PRAMEF20: variants seen among roughly 807,000 people sequenced by gnomAD.
PRAMEF20 encodes PRAME family member 20.
In PRAMEF20, 27 loss-of-function variants were observed where a neutral mutation model predicts 32.4. The ratio of observed to expected loss-of-function variants is 0.83; its 90% CI spans 0.61 to 1.15. The LOEUF (loss-of-function observed/expected upper bound fraction) is 1.15, where lower values mean the gene tolerates loss of function less well. Ranked by LOEUF, PRAMEF20 falls within the 50% of genes most tolerant of loss-of-function variation. The pLI is 0.00. For missense variants in PRAMEF20, 604 were observed against 584.5 expected (o/e 1.03, Z -0.34); for synonymous variants, 256 against 235.4 (o/e 1.09, Z -0.80).
Position 13,416,643 on chromosome 1 carries a change from T to C in PRAMEF20, c.287+2T>C, listed in dbSNP as rs771669349. On this transcript the variant is annotated splice_donor_variant, in intron 1 of 2. Coordinates refer to ENST00000602960, the Ensembl canonical transcript of PRAMEF20. LOFTEE classifies it high-confidence loss of function. ...GCTTACCCACAGGGTTCGTCTCAGG[T>C]GAGGTGGCCCAAGTGGGCTGGTGGG... The C allele has an allele frequency of 1.2e-6, 2 of 1,613,782 alleles. No homozygotes were observed. Among genetic ancestry groups the C allele is most frequent in the Non-Finnish European group, 1.7e-6 (2 of 1,179,912 alleles).
At chr1:13,415,388 G>A (rs1210861798), upstream of PRAMEF20, among the ~76,000 whole-genome samples, 2 of 152,132 alleles carry the variant, frequency 1.3e-5, no homozygotes, top group African/African-American at 4.8e-5. Flanking sequence ...AGCCAAAGTG[G>A]TTCATTTTTA....
At chr1:13,412,224 C>T (rs1203271513), upstream of PRAMEF20, among the ~76,000 whole-genome samples, 4 of 151,910 alleles carry the variant, frequency 2.6e-5, no homozygotes, top group East Asian at 3.9e-4. Context: ...CATCGTGTTG[C>T]CCAGGCTGGT....
chr1:13,415,883 A>T (rs1235237370), upstream of PRAMEF20, among the ~76,000 whole-genome samples: 1 of 152,184 alleles, frequency 6.6e-6, no homozygotes, highest in African/African-American at 2.4e-5. Context: ...GTAAGCTTAA[A>T]TAATGAAAAG....
chr1:13,418,743 C>T, intron 2 of PRAMEF20, 43 bp downstream of exon 3: 1 of 1,611,108 alleles, frequency 6.2e-7, no homozygotes, highest in Non-Finnish European at 8.5e-7. Context: ...CACAGCAGAG[C>T]CTTTCTTGTT....
At chr1:13,416,569 G>A in exon 1 of PRAMEF20, 1 of 1,614,162 alleles carries the variant, frequency 6.2e-7, no homozygotes, top group South Asian at 1.1e-5. Flanking sequence ...CTGATGAAAA[G>A]GCCTTGCCCA....
upstream of PRAMEF20, chr1:13,416,306 C>G (rs1018202820): frequency 1.2e-6 from 2 of 1,611,928 alleles, no homozygotes; most frequent in Non-Finnish European, 1.7e-6. Context: ...AGAGTGATGC[C>G]TTTTCTCTGG....
chr1:13,411,825 G>C (rs1421455272), upstream of PRAMEF20, among the ~76,000 whole-genome samples: 9 of 152,192 alleles, frequency 5.9e-5, no homozygotes, highest in South Asian at 1.5e-3. Flanking sequence ...GATGGCCTGT[G>C]CCCTCATTGT....
At chr1:13,418,500 A>G in exon 2 of PRAMEF20, 1 of 1,613,968 alleles carries the variant, frequency 6.2e-7, no homozygotes, top group East Asian at 2.2e-5. Context: ...CCGTCCTGGC[A>G]GAGTTTACCC....
chr1:13,420,925 A>C, exon 3 of PRAMEF20: 2 of 1,613,698 alleles, frequency 1.2e-6, no homozygotes, highest in South Asian at 2.2e-5. Context: ...TAGACTCCCA[A>C]GTCAACGCCA....
upstream of PRAMEF20, among the ~76,000 whole-genome samples, chr1:13,411,947 T>C (rs902067911): frequency 3.3e-5 from 5 of 152,162 alleles, no homozygotes; most frequent in African/African-American, 1.2e-4. Context: ...CACTAGAGAC[T>C]TTTTCTCTGG....
rs1347912398 is a variant in PRAMEF20, at chr1:13,418,594, G to A, written c.760G>A (p.Glu254Lys). The A allele has an allele frequency of 5.1e-5, 83 of 1,613,814 alleles. 1 individual carries two copies. In the South Asian group the frequency reaches 8.3e-4, roughly 16 times the overall value. The change falls in exon 2 of 3, where the codon GAG (glutamate) becomes AAG (lysine). Residue 254 changes from glutamate (E) to lysine (K), a missense_variant. By Grantham distance (56) the Glu-to-Lys change is moderately conservative. Coordinates refer to ENST00000602960, the Ensembl canonical transcript of PRAMEF20. ...CTACATTTCCCCAGAGCAGAAGAAG[G>A]AGTTTGTTACCCAGTTCACCACTCA... is the stretch of plus-strand genomic sequence containing the variant.
intron 1 of PRAMEF20, among the ~76,000 whole-genome samples, chr1:13,417,109 C>T (rs963639225): frequency 7.2e-5 from 11 of 152,192 alleles, no homozygotes; most frequent in South Asian, 2.1e-4. Context: ...AAAGAGTGAG[C>T]GGTAGCAAGG....
intron 2 of PRAMEF20, among the ~76,000 whole-genome samples, chr1:13,419,651 C>T (rs1641220794): frequency 6.6e-6 from 1 of 151,892 alleles, no homozygotes; most frequent in Non-Finnish European, 1.5e-5. Flanking sequence ...GTCTCGATCT[C>T]CTGACCTTGT....
exon 3 of PRAMEF20, chr1:13,420,845 C>T (rs1641234858): frequency 6.2e-7 from 1 of 1,613,934 alleles, no homozygotes; most frequent in African/African-American, 1.3e-5. Context: ...CAGCCTTGTG[C>T]CGCTCCAAGT....
chr1:13,414,313 C>A (rs1641142189), upstream of PRAMEF20, among the ~76,000 whole-genome samples: 2 of 151,018 alleles, frequency 1.3e-5, no homozygotes. Flanking sequence ...CCTGCCTTGG[C>A]CTCCCAAAGT....
At chr1:13,419,440 C>T (rs1641218521) in intron 2 of PRAMEF20, among the ~76,000 whole-genome samples, 1 of 152,114 alleles carries the variant, frequency 6.6e-6, no homozygotes, top group Non-Finnish European at 1.5e-5. Flanking sequence ...TGAGCCACCA[C>T]ACCCGACCCA....
At chr1:13,411,770 G>A (rs2100427172), upstream of PRAMEF20, among the ~76,000 whole-genome samples, 1 of 152,308 alleles carries the variant, frequency 6.6e-6, no homozygotes, top group East Asian at 1.9e-4. Context: ...AAGTGATTTG[G>A]TTTGACAAGT....
chr1:13,420,808 C>A, exon 3 of PRAMEF20: 2 of 1,613,936 alleles, frequency 1.2e-6, no homozygotes, highest in Non-Finnish European at 1.7e-6. Context: ...AGACCCTGGA[C>A]CTGAGTGGCA....
chr1:13,420,718 C>T (rs1435281538), exon 3 of PRAMEF20: 136 of 1,609,366 alleles, frequency 8.5e-5, no homozygotes, highest in Non-Finnish European at 1.1e-4. Context: ...CCTCGTTAAA[C>T]ATCCTCGCAA....
Sources: allele counts gnomAD v4.1 joint callset (sites outside exome capture counted in the v4.1 genomes callset), GRCh38; gene constraint gnomAD v4.1.1; transcripts MANE v1.5; gene names NCBI Gene and HGNC (gene_info 2026-07-23, HGNC 2026-07-21).